Variants in KCNN2 observed in about 807,000 individuals in gnomAD.
KCNN2 encodes the protein potassium calcium-activated channel subfamily N member 2.
KCNN2 carries 24 observed loss-of-function variants against 55.5 expected under a neutral mutation model. The ratio of observed to expected loss-of-function variants is 0.43; its 90% CI spans 0.31 to 0.61. The LOEUF is 0.61. Among genes scored for constraint, KCNN2 ranks in the 20% least tolerant of loss-of-function variants. The pLI is 0.08. For missense variants in KCNN2, 754 were observed against 853.6 expected (o/e 0.88, Z 1.45); for synonymous variants, 431 against 336.1 (o/e 1.28, Z -3.09).
chr5:114,192,101 G>C (rs1338466824), intron 1 of KCNN2, among the ~76,000 whole-genome samples: 2 of 152,118 alleles, frequency 1.3e-5, no homozygotes, highest in Non-Finnish European at 2.9e-5. Context: ...TGCATTTTTA[G>C]GACATTGTTC....
Position 114,363,226 on chromosome 5 carries a change from A to G in KCNN2, c.1087A>G (p.Ile363Val), listed in dbSNP as rs775477787. ...FGMFGIVVMV[I>V]ETELSWGAYD... ...CATGTTCGGCATCGTGGTCATGGTCATCGAGACCGAGCTGTCGTGGGGCGC... is the reference window on the plus strand; with the variant it reads ...CATGTTCGGCATCGTGGTCATGGTCGTCGAGACCGAGCTGTCGTGGGGCGC... Residue 363 changes from isoleucine to valine, a missense_variant, in exon 1 of 8, where the codon ATC (isoleucine) becomes GTC (valine). Ile to Val is a conservative substitution (Grantham distance 29). Coordinates refer to ENST00000673685, the MANE Select transcript of KCNN2 (RefSeq NM_021614.4). The G allele has an allele frequency of 1.2e-6, 2 of 1,612,896 alleles. No individual in the cohort carries two copies. Among genetic ancestry groups the G allele is most frequent in the Non-Finnish European group, 1.7e-6 (2 of 1,179,840 alleles).
upstream of KCNN2, chr5:114,361,863 C>G (rs1332859083): frequency 6.5e-6 from 1 of 152,986 alleles, no homozygotes; most frequent in Admixed American, 6.5e-5. Flanking sequence ...CTGGACTGCA[C>G]CCCCCTAGGG....
intron 6 of KCNN2, among the ~76,000 whole-genome samples, chr5:114,487,532 A>G (rs1580922406): frequency 6.6e-6 from 1 of 152,170 alleles, no homozygotes; most frequent in South Asian, 2.1e-4. Flanking sequence ...ACATATTTAT[A>G]TGAAAGTAGT....
At position 114,463,169 on chromosome 5, in the gene KCNN2, C is replaced by A; in HGVS notation, c.1758C>A (p.Val586=). The change falls in exon 4 of 8, where the codon GTC becomes GTA. Residue 586 remains valine, a synonymous_variant. Transcript: ENST00000673685. ...MVPNTYCGKG[V]CLLTGIMGAG... ...CTAACACATACTGTGGAAAAGGAGT[C>A]TGCTTACTTACTGGAATTATGGTAA... The A allele has an allele frequency of 6.2e-7, 1 of 1,611,268 alleles. No homozygotes were observed. The highest frequency in any genetic ancestry group is 1.1e-5 in the South Asian group (1 of 90,282).
At chr5:114,428,705 C>G (rs1759699903) in intron 3 of KCNN2, among the ~76,000 whole-genome samples, 1 of 152,096 alleles carries the variant, frequency 6.6e-6, no homozygotes, top group Admixed American at 6.6e-5. Flanking sequence ...TCTCATCAGT[C>G]TACCTATTAA....
At chr5:114,201,203 T>G (rs1319738419) in intron 1 of KCNN2, among the ~76,000 whole-genome samples, 1 of 152,046 alleles carries the variant, frequency 6.6e-6, no homozygotes, top group Non-Finnish European at 1.5e-5. Flanking sequence ...CAGCTGCCCA[T>G]AGTAGGTGGC....
At chr5:114,075,065 G>A (rs996097540) in intron 1 of KCNN2, among the ~76,000 whole-genome samples, 2 of 152,200 alleles carry the variant, frequency 1.3e-5, no homozygotes, top group Non-Finnish European at 2.9e-5. Context: ...ATGCCCAGGA[G>A]CCAGTTAATT....
intron 2 of KCNN2, among the ~76,000 whole-genome samples, chr5:114,368,011 GAAC>G (rs1214351303): frequency 6.6e-6 from 1 of 152,096 alleles, no homozygotes; most frequent in Non-Finnish European, 1.5e-5. Context: ...GCTGACTTTT[GAAC>G]AACATGGGTG....
At chr5:114,367,290 C>G (rs1268137927) in intron 2 of KCNN2, among the ~76,000 whole-genome samples, 1 of 152,128 alleles carries the variant, frequency 6.6e-6, no homozygotes, top group Non-Finnish European at 1.5e-5. Context: ...GTGCACCAGG[C>G]AACAATTTTG....
At chr5:114,423,277 T>G (rs1300315148) in intron 3 of KCNN2, among the ~76,000 whole-genome samples, 2 of 152,148 alleles carry the variant, frequency 1.3e-5, no homozygotes, top group African/African-American at 2.4e-5. Flanking sequence ...TTTTTAAGGT[T>G]CATTTCTCAT....
intron 1 of KCNN2, among the ~76,000 whole-genome samples, chr5:114,202,253 GT>G (rs1343115819): frequency 1.3e-5 from 2 of 151,910 alleles, no homozygotes; most frequent in South Asian, 2.1e-4. Flanking sequence ...AGGCAGCTCT[GT>G]ATGCCAGGCA....
At chr5:114,056,447 CTTTGAGGCAAA>C (rs1372241177) in exon 1 of KCNN2, 1 of 398,520 alleles carries the variant, frequency 2.5e-6, no homozygotes, top group African/African-American at 2.1e-5. Context: ...GCATTTACCG[CTTTGAGGCAAA>C]TTTGAGCTTC....
At position 114,169,768 on chromosome 5, in the gene KCNN2, T is replaced by C. The variant is rs924765196; in HGVS notation, c.-270-51712T>C. Among the ~76,000 whole-genome samples the C allele has an allele frequency of 9.2e-4, 140 of 152,178 alleles. 1 individual carries two copies. Among genetic ancestry groups the C allele is most frequent in the East Asian group, 3.9e-4 (2 of 5,178 alleles). ...TGTTTTTCCCCTATTCTGGAAACAGTTGGGATAAGTTACAGAAGCTTAATA... is the reference window on the plus strand; with the variant it reads ...TGTTTTTCCCCTATTCTGGAAACAGCTGGGATAAGTTACAGAAGCTTAATA... On this transcript the variant is annotated intron_variant, in intron 1 of 10. Transcript: ENST00000512097.
chr5:114,390,861 T>G (rs1199626541), intron 2 of KCNN2, among the ~76,000 whole-genome samples: 4 of 152,144 alleles, frequency 2.6e-5, no homozygotes, highest in Non-Finnish European at 4.4e-5. Context: ...TGCATGATAA[T>G]CTATCAACAT....
intron 2 of KCNN2, among the ~76,000 whole-genome samples, chr5:114,385,517 GCGCACACACACA>G (rs1298388673): frequency 5.6e-5 from 5 of 88,886 alleles, no homozygotes; most frequent in African/African-American, 2.6e-4. Flanking sequence ...ACACACATGC[GCGCACACACACA>G]CACACACACA....
intron 2 of KCNN2, among the ~76,000 whole-genome samples, chr5:114,389,917 G>C (rs1409679013): frequency 4.6e-5 from 7 of 152,066 alleles, no homozygotes; most frequent in Non-Finnish European, 8.8e-5. Context: ...ACAGCCTGAT[G>C]CCCCCATCAA....
rs111266015 is a variant in KCNN2 at position 114,362,934 on chromosome 5, T to TGCCGCC, written c.804_809dup (p.Ala269_Ala270dup). On this transcript the variant is annotated inframe_insertion, in exon 1 of 8. Coordinates refer to ENST00000673685, the MANE Select transcript of KCNN2 (RefSeq NM_021614.4). ...GCGCGTCCTCCCCGTCTGCAGCCGC[T>TGCCGCC]GCCGCCGCCGCCGCTGTTTCGTCCT... 609 of 1,560,980 alleles carry TGCCGCC rather than the reference T, an allele frequency of 3.9e-4. 1 individual carries two copies. Among genetic ancestry groups the TGCCGCC allele is most frequent in the Middle Eastern group, 1.5e-3 (9 of 5,988 alleles).
chr5:114,493,619 T>G, intron 7 of KCNN2, 147 bp downstream of exon 7: 1 of 638,932 alleles, frequency 1.6e-6, no homozygotes, highest in Admixed American at 2.6e-5. Flanking sequence ...ATGGTCCAAC[T>G]TAAAAGAATG....
At chr5:114,115,234 C>A (rs974157183) in intron 1 of KCNN2, among the ~76,000 whole-genome samples, 1 of 152,046 alleles carries the variant, frequency 6.6e-6, no homozygotes, top group African/African-American at 2.4e-5. Flanking sequence ...TTGATGTTCC[C>A]GAAAATGTCT....
Sources: allele counts gnomAD v4.1 joint callset (sites outside exome capture counted in the v4.1 genomes callset), GRCh38; gene constraint gnomAD v4.1.1; transcripts MANE v1.5; gene names NCBI Gene and HGNC (gene_info 2026-07-23, HGNC 2026-07-21).